MSRA: variants seen among roughly 807,000 people sequenced by gnomAD.
MSRA encodes the protein methionine sulfoxide reductase A, also known as mitochondrial peptide methionine sulfoxide reductase.
A neutral mutation model predicts 31.3 loss-of-function variants in MSRA; 54 were observed. That is an observed-to-expected ratio of 1.73 (90% confidence interval 1.39 to 2.17). The LOEUF is 2.17. Ranked by LOEUF, MSRA falls within the 30% of genes most tolerant of loss-of-function variation. MSRA has a pLI of 0.00. For missense variants in MSRA, 507 were observed against 300.9 expected, an observed-to-expected ratio of 1.69 and a Z score of -5.07; for synonymous variants, 169 against 116.5, an observed-to-expected ratio of 1.45 and a Z score of -2.90.
chr8:10,237,295 AG>A (rs1237325237), intron 2 of MSRA, among the ~76,000 whole-genome samples: 11 of 152,366 alleles, frequency 7.2e-5, no homozygotes, highest in Middle Eastern at 3.4e-3. Context: ...ATGTTGGGTT[AG>A]GTTACATCTG....
intron 2 of MSRA, among the ~76,000 whole-genome samples, chr8:10,225,992 C>G (rs534666637): frequency 3.0e-4 from 46 of 152,326 alleles, no homozygotes; most frequent in African/African-American, 1.1e-3. Flanking sequence ...TGAAATTCCT[C>G]AGATTCACTG....
Position 10,054,514 on chromosome 8 carries a change from C to G in MSRA, c.-3C>G. On this transcript the variant is annotated 5_prime_UTR_variant, in exon 1 of 6. Transcript: ENST00000317173. ...GGGACCACCCTTCGGCTGGCGCCCT[C>G]CCATGCTCTCGGCCACCCGGAGGGC... 6.3e-7 allele frequency: 1 copy of G among 1,576,630 alleles called. No homozygotes were observed. Among genetic ancestry groups the G allele is most frequent in the Non-Finnish European group, 8.6e-7 (1 of 1,162,262 alleles).
At chr8:10,177,778 A>C (rs775651418) in intron 1 of MSRA, among the ~76,000 whole-genome samples, 1 of 152,240 alleles carries the variant, frequency 6.6e-6, no homozygotes, top group Non-Finnish European at 1.5e-5. Flanking sequence ...TTTAAAAACC[A>C]GTCTTGGAAA....
At chr8:10,390,936 A>G (rs1005166517) in intron 5 of MSRA, among the ~76,000 whole-genome samples, 1 of 150,998 alleles carries the variant, frequency 6.6e-6, no homozygotes, top group African/African-American at 2.4e-5. Context: ...AGATCGCGCC[A>G]CTGCACTCCA....
chr8:10,067,649 G>T (rs1220929745), intron 1 of MSRA, among the ~76,000 whole-genome samples: 1 of 152,176 alleles, frequency 6.6e-6, no homozygotes, highest in African/African-American at 2.4e-5. Flanking sequence ...ATAAATGAGG[G>T]TTCCTCTTGC....
rs912455229 is a variant in MSRA at position 10,319,968 on chromosome 8, C to T, written c.522C>T (p.Ser174=). 2 of 1,600,084 alleles carry T rather than the reference C, an allele frequency of 1.2e-6. No individual in the cohort carries two copies. The highest frequency in any genetic ancestry group is 1.7e-6 in the Non-Finnish European group (2 of 1,173,538). ...CCAAGCAAATGGAGGCAGCCCTGAG[C>T]TCCAAAGAGAACTACCAAAAGGTAG... ...TSAKQMEAAL[S]SKENYQKVLS... Residue 174 remains serine, a synonymous_variant, in exon 5 of 6, where the codon AGC becomes AGT. Coordinates refer to ENST00000317173, the MANE Select transcript of MSRA (RefSeq NM_012331.5).
intron 1 of MSRA, among the ~76,000 whole-genome samples, chr8:10,136,439 G>A (rs563755964): frequency 6.6e-5 from 10 of 152,204 alleles, no homozygotes; most frequent in Non-Finnish European, 1.2e-4. Context: ...TTCCTCTCTC[G>A]TACGCAAGAA....
chr8:10,334,440 G>T (rs941795243), intron 5 of MSRA, among the ~76,000 whole-genome samples: 1 of 151,986 alleles, frequency 6.6e-6, no homozygotes, highest in Admixed American at 6.5e-5. Context: ...CCGGGGGCGG[G>T]GGGGAGGTGC....
At chr8:10,163,573 G>A (rs186797990) in intron 1 of MSRA, among the ~76,000 whole-genome samples, 11 of 152,312 alleles carry the variant, frequency 7.2e-5, no homozygotes, top group Middle Eastern at 3.4e-3. Context: ...TCTGCCCCAC[G>A]CTGGAAAGTC....
chr8:10,361,490 C>T (rs1004381925), intron 5 of MSRA, among the ~76,000 whole-genome samples: 15 of 152,144 alleles, frequency 9.9e-5, no homozygotes, highest in Non-Finnish European at 4.4e-5. Context: ...TTTGCATTCT[C>T]CCAGTACTAT....
At chr8:10,309,444 G>C (rs919672726) in intron 4 of MSRA, among the ~76,000 whole-genome samples, 1 of 152,190 alleles carries the variant, frequency 6.6e-6, no homozygotes, top group Non-Finnish European at 1.5e-5. Flanking sequence ...TTGTTCTTTC[G>C]TGAATCCCAG....
intron 1 of MSRA, among the ~76,000 whole-genome samples, chr8:10,154,352 A>G (rs566928289): frequency 6.6e-6 from 1 of 152,104 alleles, no homozygotes; most frequent in South Asian, 2.1e-4. Context: ...AGGCTGAAGG[A>G]CACATTTGTG....
chr8:10,096,241 C>T (rs189026273), intron 1 of MSRA: 36 of 1,195,784 alleles, frequency 3.0e-5, no homozygotes, highest in Non-Finnish European at 3.7e-5. Context: ...CTACATCCCC[C>T]AGCAATTAGT....
intron 4 of MSRA, among the ~76,000 whole-genome samples, chr8:10,305,434 G>A (rs58288592): frequency 0.023 from 3,113 of 133,124 alleles, 82 homozygotes; most frequent in African/African-American, 0.066. Flanking sequence ...TTTTTTTCCG[G>A]ATGGAGTCTT....
intron 5 of MSRA, among the ~76,000 whole-genome samples, chr8:10,403,733 A>G (rs1807614003): frequency 6.6e-6 from 1 of 152,200 alleles, no homozygotes; most frequent in African/African-American, 2.4e-5. Flanking sequence ...CACACATGGG[A>G]AGATGTAGCA....
At chr8:10,349,677 G>T (rs1377827644) in intron 5 of MSRA, among the ~76,000 whole-genome samples, 1 of 152,154 alleles carries the variant, frequency 6.6e-6, no homozygotes, top group East Asian at 1.9e-4. Context: ...CCTAGTACGG[G>T]GCCTGGCGCT....
Position 10,224,676 on chromosome 8 carries a change from A to G in MSRA, c.211+16775A>G, listed in dbSNP as rs546590475. ...CTGGATTCATCACCACCACATTTCT[A>G]AGAAATCTGATTATTACCTCCCCAT... On this transcript the variant is annotated intron_variant, in intron 2 of 5. Coordinates refer to ENST00000317173, the MANE Select transcript of MSRA (RefSeq NM_012331.5). Among the ~76,000 whole-genome samples the G allele has an allele frequency of 1.6e-4, 24 of 152,240 alleles. 1 individual carries two copies. Among genetic ancestry groups the G allele is most frequent in the Admixed American group, 1.2e-3 (18 of 15,306 alleles).
At chr8:10,294,905 T>C (rs749120852) in intron 3 of MSRA, among the ~76,000 whole-genome samples, 1 of 152,128 alleles carries the variant, frequency 6.6e-6, no homozygotes, top group East Asian at 1.9e-4. Context: ...AGGTCTTGCT[T>C]GTGGGCCTCA....
rs751517019 is a variant in MSRA at position 10,428,368 on chromosome 8, G to T, written c.*56G>T. 6.4e-7 allele frequency: 1 copy of T among 1,562,192 alleles called. No individual in the cohort carries two copies. The highest frequency in any genetic ancestry group is 2.2e-5 in the East Asian group (1 of 44,490). ...CCAGTAAAAATGCTTTCAACAAATT[G>T]GGCAATGCTTGTGTGATTCACAATC... On this transcript the variant is annotated 3_prime_UTR_variant, in exon 6 of 6. Coordinates refer to ENST00000317173, the MANE Select transcript of MSRA (RefSeq NM_012331.5).
Sources: gnomAD v4.1 joint callset for allele counts (sites outside exome capture counted in the v4.1 genomes callset) on GRCh38, gnomAD v4.1.1 for gene constraint, MANE v1.5 for transcripts, NCBI Gene and HGNC (gene_info 2026-07-23, HGNC 2026-07-21) for gene names.